Variants in GALNTL6 observed in about 807,000 individuals in gnomAD.
The protein encoded by GALNTL6 is polypeptide N-acetylgalactosaminyltransferase like 6.
In GALNTL6, 46 loss-of-function variants were observed where a neutral mutation model predicts 73.7. That is an observed-to-expected ratio of 0.62 (90% confidence interval 0.49 to 0.80). The LOEUF is 0.80. GALNTL6 is among the 30% of genes least tolerant of loss of function. The pLI is 0.00. For missense variants in GALNTL6, 604 were observed against 755.0 expected (o/e 0.80, Z 2.34); for synonymous variants, 259 against 263.7 (o/e 0.98, Z 0.17).
chr4:172,538,765 C>T (rs1735442654), intron 5 of GALNTL6, among the ~76,000 whole-genome samples: 1 of 152,022 alleles, frequency 6.6e-6, no homozygotes, highest in Non-Finnish European at 1.5e-5. Flanking sequence ...AAAATAAAGG[C>T]ATTCTAGAAA....
intron 5 of GALNTL6, among the ~76,000 whole-genome samples, chr4:172,432,083 C>A (rs1368370981): frequency 6.6e-6 from 1 of 152,052 alleles, no homozygotes; most frequent in Non-Finnish European, 1.5e-5. Flanking sequence ...CTCCACACAT[C>A]ATGACTGAAC....
intron 5 of GALNTL6, among the ~76,000 whole-genome samples, chr4:172,579,853 A>G (rs1357078749): frequency 2.2e-5 from 3 of 138,988 alleles, no homozygotes; most frequent in Non-Finnish European, 3.1e-5. Context: ...AAGGAAAGAA[A>G]GAAGGGAGGG....
rs535381050 is a variant in GALNTL6, at chr4:172,322,375, G to A, written c.386+10623G>A. ...TTCTTCTGAGGAGGTAAGAATTAAG[G>A]TTGCTACAGACCCATACAAATTCAC... On this transcript the variant is annotated intron_variant, in intron 4 of 12. Coordinates refer to ENST00000506823, the MANE Select transcript of GALNTL6 (RefSeq NM_001034845.3). Among the ~76,000 whole-genome samples the A allele has an allele frequency of 1.2e-4, 19 of 152,222 alleles. 1 individual carries two copies. The highest frequency in any genetic ancestry group is 1.0e-3 in the South Asian group (5 of 4,816).
At chr4:172,349,845 A>ATTT (rs1554016263) in intron 5 of GALNTL6, among the ~76,000 whole-genome samples, 16 of 94,336 alleles carry the variant, frequency 1.7e-4, no homozygotes, top group African/African-American at 2.6e-4. Context: ...ATATATATAT[A>ATTT]TTTTTTTTAA....
intron 2 of GALNTL6, among the ~76,000 whole-genome samples, chr4:172,100,243 T>C (rs1235693606): frequency 6.6e-6 from 1 of 152,148 alleles, no homozygotes; most frequent in Non-Finnish European, 1.5e-5. Flanking sequence ...TAAGATTCTA[T>C]GTGCAAGATG....
intron 7 of GALNTL6, among the ~76,000 whole-genome samples, chr4:172,850,815 A>G (rs905069947): frequency 6.6e-6 from 1 of 152,140 alleles, no homozygotes; most frequent in Non-Finnish European, 1.5e-5. Flanking sequence ...GATTTTCCCT[A>G]TGTTTACCCA....
At chr4:172,677,380 C>T (rs1732364293) in intron 5 of GALNTL6, among the ~76,000 whole-genome samples, 1 of 152,148 alleles carries the variant, frequency 6.6e-6, no homozygotes, top group Non-Finnish European at 1.5e-5. Flanking sequence ...TCTCTCGAAG[C>T]TGTCTCCACC....
At chr4:172,297,534 A>G (rs1342200387) in intron 3 of GALNTL6, among the ~76,000 whole-genome samples, 1 of 152,204 alleles carries the variant, frequency 6.6e-6, no homozygotes, top group Non-Finnish European at 1.5e-5. Flanking sequence ...ATTTTTATAT[A>G]AGGTGTAAGG....
chr4:172,239,287 A>G (rs1737340012), intron 3 of GALNTL6, among the ~76,000 whole-genome samples: 2 of 152,278 alleles, frequency 1.3e-5, no homozygotes, highest in Middle Eastern at 3.4e-3. Flanking sequence ...TTATTGGTCT[A>G]TTCATGATTT....
intron 2 of GALNTL6, among the ~76,000 whole-genome samples, chr4:171,905,458 A>G (rs1236236481): frequency 1.3e-5 from 2 of 151,898 alleles, no homozygotes; most frequent in African/African-American, 4.8e-5. Context: ...CTAAATATAT[A>G]TGCACCCAAT....
chr4:171,953,957 G>A (rs1006136964), intron 2 of GALNTL6, among the ~76,000 whole-genome samples: 1 of 152,068 alleles, frequency 6.6e-6, no homozygotes, highest in African/African-American at 2.4e-5. Context: ...TGGGTTTCTG[G>A]TATACATATT....
At chr4:172,742,883 C>G (rs762906272) in intron 5 of GALNTL6, among the ~76,000 whole-genome samples, 4 of 151,990 alleles carry the variant, frequency 2.6e-5, no homozygotes, top group Non-Finnish European at 4.4e-5. Flanking sequence ...AGGTAAGAAC[C>G]AGTACGAGCT....
At chr4:172,052,541 A>G in intron 2 of GALNTL6, 1 of 1,530,556 alleles carries the variant, frequency 6.5e-7, no homozygotes, top group South Asian at 1.2e-5. Flanking sequence ...GGTAACCGGT[A>G]AAAAGCAAAC....
chr4:172,803,386 C>T (rs1740771165), intron 5 of GALNTL6, among the ~76,000 whole-genome samples: 1 of 152,138 alleles, frequency 6.6e-6, no homozygotes, highest in Admixed American at 6.5e-5. Context: ...ATTTTGCGCT[C>T]CTTATGAGAA....
chr4:172,869,245 A>G (rs1174651965), intron 7 of GALNTL6, among the ~76,000 whole-genome samples: 1 of 152,242 alleles, frequency 6.6e-6, no homozygotes, highest in Non-Finnish European at 1.5e-5. Context: ...TAAGAAGACA[A>G]GCTTAAAATG....
intron 5 of GALNTL6, among the ~76,000 whole-genome samples, chr4:172,773,637 A>G (rs908426762): frequency 1.3e-5 from 2 of 150,880 alleles, no homozygotes; most frequent in Non-Finnish European, 3.0e-5. Context: ...TGTGCTGTTA[A>G]TAAATGGCAC....
At chr4:172,661,197 G>A (rs1305349337) in intron 5 of GALNTL6, among the ~76,000 whole-genome samples, 5 of 152,064 alleles carry the variant, frequency 3.3e-5, no homozygotes, top group Non-Finnish European at 5.9e-5. Context: ...TCAGTTGAAG[G>A]CCTCAATAAA....
intron 2 of GALNTL6, among the ~76,000 whole-genome samples, chr4:171,927,234 G>C (rs1320026316): frequency 6.6e-6 from 1 of 152,028 alleles, no homozygotes; most frequent in East Asian, 1.9e-4. Flanking sequence ...TAACTGATAA[G>C]ATGCCTTCTT....
intron 8 of GALNTL6, among the ~76,000 whole-genome samples, chr4:172,901,124 G>C (rs962189115): frequency 1.6e-4 from 25 of 152,128 alleles, no homozygotes; most frequent in Non-Finnish European, 3.2e-4. Flanking sequence ...TTGTTTGGTG[G>C]GAATGATAGA....
Sources: gnomAD v4.1 joint callset for allele counts (sites outside exome capture counted in the v4.1 genomes callset) on GRCh38, gnomAD v4.1.1 for gene constraint, MANE v1.5 for transcripts, NCBI Gene and HGNC (gene_info 2026-07-23, HGNC 2026-07-21) for gene names.